KALRN: variants seen among roughly 807,000 people sequenced by gnomAD.
KALRN encodes the protein kalirin RhoGEF kinase.
In KALRN, 70 loss-of-function variants were observed where a neutral mutation model predicts 353.7. The ratio of observed to expected loss-of-function variants is 0.20; its 90% CI spans 0.16 to 0.24. The LOEUF is 0.24. KALRN is among the 10% of genes least tolerant of loss of function. The pLI is 1.00. For missense variants in KALRN, 2,791 were observed against 3,756.7 expected (o/e 0.74, Z 6.72); for synonymous variants, 1,391 against 1,434.8 (o/e 0.97, Z 0.69).
In KALRN at chr3:124,474,840, A is replaced by G. The variant is rs140554145; in HGVS notation, c.4101+108A>G. On this transcript the variant is annotated intron_variant, in intron 26 of 59. Coordinates refer to ENST00000682506, the MANE Select transcript of KALRN (RefSeq NM_001388419.1). ...CCAGTCTCACACAAGACCAGGGGCTACTGAGAGGGACCATGAGTAGGTCTG... is the reference window on the plus strand; with the variant it reads ...CCAGTCTCACACAAGACCAGGGGCTGCTGAGAGGGACCATGAGTAGGTCTG... 7.9e-4 allele frequency: 669 copies of G among 851,242 alleles called. 6 individuals are homozygous for G. In the African/African-American group the frequency reaches 9.8e-3, roughly 13 times the overall value. 52.7% of individuals were successfully genotyped at this position (851,242 alleles called of 1,614,324 possible).
intron 10 of KALRN, among the ~76,000 whole-genome samples, chr3:124,348,800 C>A (rs896694452): frequency 8.5e-5 from 13 of 152,172 alleles, no homozygotes; most frequent in Non-Finnish European, 1.9e-4. Context: ...TCACTGCAAC[C>A]TCTGCCTCCT....
chr3:124,484,058 G>A (rs2332844), intron 28 of KALRN, among the ~76,000 whole-genome samples: 55,163 of 152,108 alleles, frequency 0.36, 10,673 homozygotes, highest in Middle Eastern at 0.48. Flanking sequence ...CATGTTATAA[G>A]TACATTGTGT....
chr3:124,499,819 G>C (rs543198993), intron 33 of KALRN, among the ~76,000 whole-genome samples: 22 of 152,300 alleles, frequency 1.4e-4, no homozygotes, highest in African/African-American at 4.8e-4. Flanking sequence ...AAGCCTTTAA[G>C]TGTTGAAAGA....
intron 33 of KALRN, chr3:124,519,181 C>A: frequency 1.0e-6 from 1 of 984,758 alleles, no homozygotes; most frequent in Non-Finnish European, 1.2e-6. Context: ...TTCAGGTTAT[C>A]CTGTTGAGGG....
chr3:124,432,461 A>G (rs760302887), intron 16 of KALRN, among the ~76,000 whole-genome samples: 1 of 152,228 alleles, frequency 6.6e-6, no homozygotes, highest in Non-Finnish European at 1.5e-5. Flanking sequence ...TCCCACAGTC[A>G]TAAGCAGCAA....
At chr3:124,574,664 G>A (rs889999198) in intron 34 of KALRN, among the ~76,000 whole-genome samples, 2 of 152,222 alleles carry the variant, frequency 1.3e-5, no homozygotes, top group Admixed American at 6.5e-5. Context: ...TCCCCCAGAG[G>A]AAAGATGGTG....
intron 51 of KALRN, among the ~76,000 whole-genome samples, chr3:124,689,564 C>T (rs187735350): frequency 8.5e-5 from 13 of 152,178 alleles, no homozygotes; most frequent in African/African-American, 3.1e-4. Flanking sequence ...TACATTGACT[C>T]CAACCTGTTT....
chr3:124,253,575 G>T (rs2071475818), intron 3 of KALRN, among the ~76,000 whole-genome samples: 1 of 152,172 alleles, frequency 6.6e-6, no homozygotes. Context: ...CAGGGCCAGT[G>T]CCACCCTCAT....
At chr3:124,573,493 A>G (rs1223370004) in intron 34 of KALRN, among the ~76,000 whole-genome samples, 1 of 151,802 alleles carries the variant, frequency 6.6e-6, no homozygotes, top group African/African-American at 2.4e-5. Context: ...TCTAGTTTCC[A>G]TTGGTTTTCT....
intron 51 of KALRN, among the ~76,000 whole-genome samples, chr3:124,686,798 A>ATTTTTTTTT (rs10599336): frequency 2.8e-5 from 2 of 70,796 alleles, no homozygotes; most frequent in Non-Finnish European, 5.5e-5. Context: ...CACTGGTGAG[A>ATTTTTTTTT]TTTTTTTTTT....
At chr3:124,247,437 A>G (rs1244062276) in intron 3 of KALRN, among the ~76,000 whole-genome samples, 3 of 97,140 alleles carry the variant, frequency 3.1e-5, no homozygotes, top group African/African-American at 1.0e-4. Flanking sequence ...TGTTTGTGAA[A>G]ATGTTTCACC....
intron 45 of KALRN, among the ~76,000 whole-genome samples, chr3:124,666,039 A>G (rs920583037): frequency 6.6e-6 from 1 of 152,156 alleles, no homozygotes; most frequent in Non-Finnish European, 1.5e-5. Flanking sequence ...CTGCAAAGGA[A>G]CCAGGCAGGC....
intron 1 of KALRN, among the ~76,000 whole-genome samples, chr3:124,046,607 T>A (rs1199941260): frequency 6.6e-6 from 1 of 152,222 alleles, no homozygotes; most frequent in Non-Finnish European, 1.5e-5. Flanking sequence ...TGCTCAGCCC[T>A]GGAGACTCTG....
intron 12 of KALRN, among the ~76,000 whole-genome samples, chr3:124,397,208 A>G (rs1307504886): frequency 1.3e-5 from 2 of 152,236 alleles, no homozygotes; most frequent in African/African-American, 4.8e-5. Flanking sequence ...CTCAACAAAT[A>G]CATAACAGAT....
intron 1 of KALRN, among the ~76,000 whole-genome samples, chr3:124,113,550 T>C (rs956557383): frequency 2.6e-5 from 4 of 152,184 alleles, no homozygotes; most frequent in Non-Finnish European, 5.9e-5. Context: ...CCCAAGGCCC[T>C]GGGGGAAACT....
At chr3:124,548,449 C>T (rs79334679) in intron 33 of KALRN, among the ~76,000 whole-genome samples, 6,672 of 152,226 alleles carry the variant, frequency 0.044, 180 homozygotes, top group Middle Eastern at 0.085. Context: ...CTATCTAGCC[C>T]CCATCTCTTA....
In KALRN at chr3:124,384,966, T is replaced by G; in HGVS notation, c.1892T>G (p.Phe631Cys). 1 of 1,614,006 alleles carries G rather than the reference T, an allele frequency of 6.2e-7. No homozygotes were observed. The part of the protein sequence containing the change: ...ARHLEVRIQD[F>C]VRRVEQRKLL... ...CACCTGGAGGTGCGCATCCAAGACT[T>G]CGTGCGCAGGGTGGAGCAGCGGAAG... Residue 631 changes from phenylalanine (F) to cysteine (C), a missense_variant, in exon 11 of 60, where the codon TTC becomes TGC. By Grantham distance (205) the Phe-to-Cys change is radical. Transcript: ENST00000682506.
intron 10 of KALRN, among the ~76,000 whole-genome samples, chr3:124,368,199 CA>C (rs368468369): frequency 0.47 from 32,439 of 69,540 alleles, 9,192 homozygotes; most frequent in East Asian, 0.89. Flanking sequence ...GCTGACCCCC[CA>C]CACCTCCCTC....
intron 10 of KALRN, among the ~76,000 whole-genome samples, chr3:124,378,457 A>G (rs894262482): frequency 6.6e-6 from 1 of 152,112 alleles, no homozygotes; most frequent in Non-Finnish European, 1.5e-5. Context: ...ATAAGAGGAA[A>G]AAAACCTTAT....
Sources: allele counts gnomAD v4.1 joint callset (sites outside exome capture counted in the v4.1 genomes callset), GRCh38; gene constraint gnomAD v4.1.1; transcripts MANE v1.5; gene names NCBI Gene and HGNC (gene_info 2026-07-23, HGNC 2026-07-21).